FBXL20: variants seen among roughly 807,000 people sequenced by gnomAD.
FBXL20 encodes F-box and leucine rich repeat protein 20.
FBXL20 carries 11 observed loss-of-function variants against 64.0 expected under a neutral mutation model. The ratio of observed to expected loss-of-function variants is 0.17; its 90% CI spans 0.11 to 0.28. FBXL20 has a LOEUF of 0.28. Among genes scored for constraint, FBXL20 ranks in the 10% least tolerant of loss-of-function variants. The pLI is 1.00. For missense variants in FBXL20, 303 were observed against 526.2 expected, an observed-to-expected ratio of 0.58 and a Z score of 4.15; for synonymous variants, 184 against 189.0, an observed-to-expected ratio of 0.97 and a Z score of 0.22.
At chr17:39,333,135 C>T (rs1028096852) in intron 2 of FBXL20, among the ~76,000 whole-genome samples, 2 of 151,770 alleles carry the variant, frequency 1.3e-5, no homozygotes, top group South Asian at 4.2e-4. Context: ...TTCAGCTCTC[C>T]CTCTCCCTCT....
intron 7 of FBXL20, among the ~76,000 whole-genome samples, chr17:39,283,629 T>C (rs1016053473): frequency 2.0e-5 from 3 of 152,116 alleles, no homozygotes; most frequent in Admixed American, 6.6e-5. Context: ...AAAGTAGTAA[T>C]GAAGCCTTTT....
At chr17:39,272,342 C>T (rs1159140942) in intron 10 of FBXL20, among the ~76,000 whole-genome samples, 3 of 150,492 alleles carry the variant, frequency 2.0e-5, no homozygotes, top group Admixed American at 6.7e-5. Context: ...GCTGAGGTCA[C>T]GCCACTGCGC....
intron 4 of FBXL20, among the ~76,000 whole-genome samples, chr17:39,300,076 G>T (rs2047120956): frequency 6.6e-6 from 1 of 152,192 alleles, no homozygotes; most frequent in African/African-American, 2.4e-5. Flanking sequence ...CAGCCTGGGT[G>T]ACAAAATGAG....
chr17:39,402,349 G>T, upstream of FBXL20: 1 of 582,112 alleles, frequency 1.7e-6, no homozygotes, highest in East Asian at 3.5e-5. Context: ...GCTGCAGGGA[G>T]GCCTGGGGGG....
intron 2 of FBXL20, among the ~76,000 whole-genome samples, chr17:39,328,246 C>T (rs1265146622): frequency 1.3e-5 from 1 of 75,406 alleles, no homozygotes; most frequent in Non-Finnish European, 2.4e-5. Context: ...GAAACTCTGC[C>T]TCAAAAAAAA....
At chr17:39,319,268 G>A (rs1328942790) in intron 2 of FBXL20, among the ~76,000 whole-genome samples, 3 of 151,892 alleles carry the variant, frequency 2.0e-5, no homozygotes, top group Non-Finnish European at 4.4e-5. Flanking sequence ...GAGAGAGAGA[G>A]AATTCTGCCT....
chr17:39,392,337 G>A (rs1379468604), intron 1 of FBXL20, among the ~76,000 whole-genome samples: 1 of 151,682 alleles, frequency 6.6e-6, no homozygotes, highest in African/African-American at 2.4e-5. Flanking sequence ...CTACTCAGGA[G>A]GCTGAGGCAC....
intron 8 of FBXL20, among the ~76,000 whole-genome samples, 170 bp downstream of exon 8, chr17:39,282,559 A>T (rs2046957625): frequency 6.6e-6 from 1 of 152,166 alleles, no homozygotes; most frequent in African/African-American, 2.4e-5. Flanking sequence ...AATTCTTCTC[A>T]TTCTTTTATC....
intron 2 of FBXL20, among the ~76,000 whole-genome samples, chr17:39,315,083 T>A (rs1176358448): frequency 6.6e-6 from 1 of 151,984 alleles, no homozygotes; most frequent in African/African-American, 2.4e-5. Flanking sequence ...AGGGTTGGGC[T>A]ACTGTGCCCA....
Position 39,254,580 on chromosome 17 carries a change from CTGTT to C in FBXL20, c.*6876_*6879del, listed in dbSNP as rs2046678216. On this transcript the variant is annotated 3_prime_UTR_variant, in exon 15 of 15. Coordinates refer to ENST00000264658, the MANE Select transcript of FBXL20 (RefSeq NM_032875.3). The stretch of plus-strand genomic sequence containing the variant: ...TTCTTTCGGTGGTGCCAAAACCTAT[CTGTT>C]TGACTGGTTAAGTGTGTAGAAAGTA... 6.5e-6 allele frequency: 1 copy of C among 154,334 alleles called. No homozygotes were observed. The highest frequency in any genetic ancestry group is 6.6e-5 in the Admixed American group (1 of 15,264). 9.6% of individuals were successfully genotyped at this position (154,334 alleles called of 1,614,324 possible). A position where few individuals can be genotyped will look rare whatever the true frequency, so the allele number is the denominator to read the frequency against.
At chr17:39,395,602 T>C (rs1044920746) in intron 1 of FBXL20, among the ~76,000 whole-genome samples, 2 of 152,174 alleles carry the variant, frequency 1.3e-5, no homozygotes, top group Non-Finnish European at 2.9e-5. Flanking sequence ...AAAAACAAAA[T>C]TCCTTAGTTT....
chr17:39,391,393 AACTG>A (rs764786060), intron 1 of FBXL20, among the ~76,000 whole-genome samples: 27 of 152,280 alleles, frequency 1.8e-4, no homozygotes, highest in Admixed American at 3.9e-4. Context: ...ACTGGCAATA[AACTG>A]ACTATCTAAT....
chr17:39,262,070 G>GT (rs2046751595), intron 14 of FBXL20, among the ~76,000 whole-genome samples: 1 of 151,954 alleles, frequency 6.6e-6, no homozygotes, highest in Non-Finnish European at 1.5e-5. Flanking sequence ...GAACCCTAAT[G>GT]TAAGTAGGCA....
At chr17:39,304,764 T>TG (rs2047166706) in intron 2 of FBXL20, among the ~76,000 whole-genome samples, 1 of 151,958 alleles carries the variant, frequency 6.6e-6, no homozygotes, top group African/African-American at 2.4e-5. Context: ...GCTAATTTTT[T>TG]TTTGTTGTTG....
chr17:39,359,191 G>A (rs542059881), intron 1 of FBXL20, among the ~76,000 whole-genome samples: 3 of 151,960 alleles, frequency 2.0e-5, no homozygotes, highest in East Asian at 3.9e-4. Context: ...AAAAATTAGC[G>A]TGGCGGCACG....
rs1413784741 is a variant in FBXL20 at position 39,300,996 on chromosome 17, T to C, written c.234+5A>G. On this transcript the variant is annotated splice_donor_5th_base_variant and intron_variant, in intron 4 of 14. Coordinates refer to ENST00000264658, the MANE Select transcript of FBXL20 (RefSeq NM_032875.3). ...AAACTGGGGCCACACACCACATAAT[T>C]ATACCTCAATATCCCTCTGGAAATC... is the stretch of plus-strand genomic sequence containing the variant. The C allele has an allele frequency of 2.5e-6, 4 of 1,613,740 alleles. No individual in the cohort carries two copies. The highest frequency in any genetic ancestry group is 3.4e-6 in the Non-Finnish European group (4 of 1,179,808).
At chr17:39,381,085 G>A (rs775001210) in intron 1 of FBXL20, among the ~76,000 whole-genome samples, 4 of 151,942 alleles carry the variant, frequency 2.6e-5, no homozygotes, top group South Asian at 2.1e-4. Context: ...ACTTGAACCC[G>A]GGAGGCGGAA....
intron 6 of FBXL20, among the ~76,000 whole-genome samples, chr17:39,293,636 T>G (rs1392070110): frequency 6.6e-6 from 1 of 152,210 alleles, no homozygotes; most frequent in East Asian, 1.9e-4. Context: ...TCCCAGGTGT[T>G]CAATGAATTT....
At chr17:39,339,272 T>C (rs1468404204) in intron 2 of FBXL20, among the ~76,000 whole-genome samples, 1 of 150,438 alleles carries the variant, frequency 6.6e-6, no homozygotes, top group Non-Finnish European at 1.5e-5. Flanking sequence ...AGTTTAAGAG[T>C]AGCCTGGGTA....
Sources: gnomAD v4.1 joint callset for allele counts (sites outside exome capture counted in the v4.1 genomes callset) on GRCh38, gnomAD v4.1.1 for gene constraint, MANE v1.5 for transcripts, NCBI Gene and HGNC (gene_info 2026-07-23, HGNC 2026-07-21) for gene names.